Variants in EPPK1 observed in about 807,000 individuals in gnomAD.
EPPK1 encodes the protein epiplakin 1, also known as epiplakin.
For synonymous variants in EPPK1, 1,862 were observed against 1,721.2 expected, an observed-to-expected ratio of 1.08 and a Z score of -2.03; for missense variants, 3,823 against 3,673.3, an observed-to-expected ratio of 1.04 and a Z score of -1.05.
intron 1 of EPPK1, among the ~76,000 whole-genome samples, 161 bp downstream of exon 1, chr8:143,878,277 T>A (rs1416583524): frequency 1.3e-5 from 2 of 148,294 alleles, no homozygotes; most frequent in Admixed American, 6.7e-5. Flanking sequence ...GCCGCGCCCC[T>A]ACCCTGGCCT....
rs1554659270 is a variant in EPPK1 at position 143,867,019 on chromosome 8, C to G, written c.6235G>C (p.Gly2079Arg). The change falls in exon 2 of 2, where the codon GGC becomes CGC. Residue 2079 changes from glycine (G) to arginine (R), a missense_variant. Physicochemically the swap from Gly to Arg is moderately radical, Grantham distance 125 (BLOSUM62 -2). Transcript: ENST00000615648. ...TTGTTCACTGGGAACAGCAGCCAGC[C>G]CGTGTCCTCTTGTGGGCGGCACCTC... ...QERCRPQEDT[G>R]WLLFPVNKAA... 3.1e-6 allele frequency: 5 copies of G among 1,612,754 alleles called. No individual in the cohort carries two copies. The highest frequency in any genetic ancestry group is 4.2e-6 in the Non-Finnish European group (5 of 1,179,882).
In EPPK1 at chr8:143,872,396, G is replaced by C; in HGVS notation, c.858C>G (p.Ser286Arg). 1 of 1,602,742 alleles carries C rather than the reference G, an allele frequency of 6.2e-7. No individual in the cohort carries two copies. The highest frequency in any genetic ancestry group is 8.5e-7 in the Non-Finnish European group (1 of 1,179,372). Residue 286 changes from serine to arginine, a missense_variant, in exon 2 of 2, where the codon AGC (serine) becomes AGG (arginine). Transcript: ENST00000615648. ...EVRRYLEGTG[S>R]VAGVVLLPEG... ...CGGGCAGCAGGACAACCCCGGCCAC[G>C]CTGCCGGTACCCTCCAGGTAGCGCC...
In EPPK1 at chr8:143,871,174, G is replaced by C; in HGVS notation, c.2080C>G (p.Pro694Ala). Residue 694 changes from proline to alanine, a missense_variant, in exon 2 of 2, where the codon CCC (proline) becomes GCC (alanine). Transcript: ENST00000615648. Reference sequence around the variant, plus strand: ...AGGGAGATCTGCTGCCCGGTGTAGGGGTCAGTGTAGCCAGTGACAGCGCGC... The same window carrying C: ...AGGGAGATCTGCTGCCCGGTGTAGGCGTCAGTGTAGCCAGTGACAGCGCGC... Reference protein sequence around the residue: ...AERAVTGYTDPYTGQQISLFQ... With the variant: ...AERAVTGYTDAYTGQQISLFQ... 1.9e-6 allele frequency: 3 copies of C among 1,613,134 alleles called. No homozygotes were observed. Among genetic ancestry groups the C allele is most frequent in the Non-Finnish European group, 1.7e-6 (2 of 1,180,006 alleles).
At chr8:143,876,667 C>T (rs1164964793) in intron 1 of EPPK1, among the ~76,000 whole-genome samples, 2 of 152,232 alleles carry the variant, frequency 1.3e-5, no homozygotes, top group African/African-American at 2.4e-5. Context: ...AGGGCTGGGC[C>T]CTCTCCAGCA....
In EPPK1 at chr8:143,868,727, G is replaced by C. The variant is rs782477999; in HGVS notation, c.4527C>G (p.Val1509=). Residue 1509 remains valine (V), a synonymous_variant, in exon 2 of 2, where the codon GTC becomes GTG. Coordinates refer to ENST00000615648, the MANE Select transcript of EPPK1 (RefSeq NM_031308.4). ...RQVVSAVTTL[V]EAAERQPLQA... is the part of the protein sequence containing the mutation. ...GCAGGGGCTGCCTCTCTGCAGCCTC[G>C]ACCAGGGTGGTGACTGCGCTGACCA... 6.3e-7 allele frequency: 1 copy of C among 1,579,850 alleles called. No individual in the cohort carries two copies. The highest frequency in any genetic ancestry group is 8.6e-7 in the Non-Finnish European group (1 of 1,166,990).
At chr8:143,876,907 G>T (rs1012187873) in intron 1 of EPPK1, among the ~76,000 whole-genome samples, 1 of 152,204 alleles carries the variant, frequency 6.6e-6, no homozygotes, top group African/African-American at 2.4e-5. Flanking sequence ...GGCCAGTGAG[G>T]GTGGGGACAG....
At chr8:143,878,361 CACCCG>C (rs1819523614) in intron 1 of EPPK1, 72 bp downstream of exon 1, 1 of 126,310 alleles carries the variant, frequency 7.9e-6, no homozygotes, top group Non-Finnish European at 1.8e-5. Context: ...CCCGCACCCG[CACCCG>C]CCGCACCTGC....
chr8:143,870,853 T>A lies in EPPK1; in HGVS notation c.2401A>T (p.Thr801Ser). 1 of 1,612,660 alleles carries A rather than the reference T, an allele frequency of 6.2e-7. No individual in the cohort carries two copies. The highest frequency in any genetic ancestry group is 8.5e-7 in the Non-Finnish European group (1 of 1,179,842). The change falls in exon 2 of 2, where the codon ACG (threonine) becomes TCG (serine). Residue 801 changes from threonine to serine, a missense_variant. Physicochemically the swap from Thr to Ser is moderately conservative, Grantham distance 58. Coordinates refer to ENST00000615648, the MANE Select transcript of EPPK1 (RefSeq NM_031308.4). The surrounding 1 kb of genome is among the most constrained non-coding windows in gnomAD (Gnocchi z 5.2). ...TGLYLLPLSS[T>S]QSPLVDSATQ... ...GCACTGTCCACCAGCGGGGACTGCG[T>A]GCTGCTGAGTGGCAGGAGGTACAGG... is the stretch of plus-strand genomic sequence containing the variant.
intron 1 of EPPK1, among the ~76,000 whole-genome samples, chr8:143,873,710 C>A (rs1412650657): frequency 6.6e-6 from 1 of 152,180 alleles, no homozygotes; most frequent in African/African-American, 2.4e-5. Flanking sequence ...GTGGCTCCAC[C>A]CACAGGGCCC....
rs201267626 is a variant in EPPK1 at position 143,870,690 on chromosome 8, C to G, written c.2564G>C (p.Arg855Pro). ...GRRRQLLRRYRQREVTLGQVA... is the reference protein window; with the variant it reads ...GRRRQLLRRYPQREVTLGQVA... ...CTGCCCCAGCGTGACCTCGCGCTGC[C>G]GGTAGCGACGCAGCAGCTGCCTCCT... is the stretch of plus-strand genomic sequence containing the variant. Residue 855 changes from arginine (R) to proline (P), a missense_variant, in exon 2 of 2, where the codon CGG becomes CCG. Arg to Pro is a moderately radical substitution (Grantham distance 103, BLOSUM62 -2). Transcript: ENST00000615648. This position sits in a 1 kb window ranked among gnomAD's most constrained non-coding sequence, Gnocchi z 5.2. 6.2e-7 allele frequency: 1 copy of G among 1,609,688 alleles called. No homozygotes were observed. The highest frequency in any genetic ancestry group is 1.1e-5 in the South Asian group (1 of 90,610).
In EPPK1 at chr8:143,868,350, C is replaced by G; in HGVS notation, c.4904G>C (p.Gly1635Ala). The change falls in exon 2 of 2, where the codon GGG (glycine) becomes GCG (alanine). Residue 1635 changes from glycine (G) to alanine (A), a missense_variant. Transcript: ENST00000615648. ...CAGCAGCTTCACGTAGGTTTCTTTC[C>G]CGAACATTCCTGCTTTGAACGCCTC... ...VEEAFKAGMF[G>A]KETYVKLLSA... 6.2e-7 allele frequency: 1 copy of G among 1,613,024 alleles called. No individual in the cohort carries two copies. The highest frequency in any genetic ancestry group is 8.5e-7 in the Non-Finnish European group (1 of 1,179,984).
Position 143,870,302 on chromosome 8 carries a change from C to T in EPPK1, c.2952G>A (p.Val984=). ...MDPHSPESLS[V]DEAVRRGVVG... is the part of the protein sequence containing the mutation. Reference sequence around the variant, plus strand: ...CCACACCCCTGCGCACGGCCTCATCCACCGAGAGGCTCTCTGGGCTGTGAG... The same window carrying T: ...CCACACCCCTGCGCACGGCCTCATCTACCGAGAGGCTCTCTGGGCTGTGAG... Residue 984 remains valine (V), a synonymous_variant, in exon 2 of 2, where the codon GTG becomes GTA. Transcript: ENST00000615648. This position sits in a 1 kb window ranked among gnomAD's most constrained non-coding sequence, Gnocchi z 5.2. 1.9e-6 allele frequency: 3 copies of T among 1,579,056 alleles called. No individual in the cohort carries two copies. The highest frequency in any genetic ancestry group is 2.6e-6 in the Non-Finnish European group (3 of 1,168,586).
At chr8:143,877,860 C>T (rs932022931) in intron 1 of EPPK1, among the ~76,000 whole-genome samples, 10 of 152,036 alleles carry the variant, frequency 6.6e-5, no homozygotes, top group African/African-American at 2.4e-4. Context: ...GAACAGGGCC[C>T]TTCCTGCCTC....
chr8:143,878,790 C>T (rs1216256033), upstream of EPPK1, among the ~76,000 whole-genome samples: 4 of 152,070 alleles, frequency 2.6e-5, no homozygotes, highest in East Asian at 3.9e-4. Context: ...GTTTCTATCC[C>T]CACAAGCCAC....
In EPPK1 at chr8:143,868,661, C is replaced by G. The variant is rs1554660017; in HGVS notation, c.4593G>C (p.Arg1531Ser). The change falls in exon 2 of 2, where the codon AGG (arginine) becomes AGC (serine). Residue 1531 changes from arginine to serine, a missense_variant. Physicochemically the swap from Arg to Ser is moderately radical, Grantham distance 110. Transcript: ENST00000615648. ...FRGLRKQVSA[R>S]DLFRAQLISR... ...TGATCAGCTGCGCCCTGAACAGGTC[C>G]CTGGCTGACACCTGCTTCCGGAGCC... is the stretch of plus-strand genomic sequence containing the variant. 1 of 1,585,970 alleles carries G rather than the reference C, an allele frequency of 6.3e-7. No homozygotes were observed.
Position 143,870,169 on chromosome 8 carries a change from C to T in EPPK1, c.3085G>A (p.Gly1029Ser). The T allele has an allele frequency of 1.2e-6, 2 of 1,611,822 alleles. No individual in the cohort carries two copies. The highest frequency in any genetic ancestry group is 2.2e-5 in the East Asian group (1 of 44,862). The change falls in exon 2 of 2, where the codon GGT becomes AGT. Residue 1029 changes from glycine (G) to serine (S), a missense_variant. Gly to Ser is a moderately conservative substitution (Grantham distance 56, BLOSUM62 0). Coordinates refer to ENST00000615648, the MANE Select transcript of EPPK1 (RefSeq NM_031308.4). This position sits in a 1 kb window ranked among gnomAD's most constrained non-coding sequence, Gnocchi z 5.2. ...GCAGCTTGCTCCCAAGGGATGAGAC[C>T]TTTCTTCATGGCCTGGAACACAGAC... The part of the protein sequence containing the change: ...QVSVFQAMKK[G>S]LIPWEQAARL...
chr8:143,857,908 A>C lies in EPPK1; in HGVS notation c.*79T>G, dbSNP rs6558397. On this transcript the variant is annotated 3_prime_UTR_variant, in exon 2 of 2. Transcript: ENST00000615648. ...AATTAAAGAATGACAAAAAAAAAAAAAAAAAAAAAAACAACCCAGACACAC... is the reference window on the plus strand; with the variant it reads ...AATTAAAGAATGACAAAAAAAAAAACAAAAAAAAAAACAACCCAGACACAC... 1.6e-4 allele frequency: 128 copies of C among 787,328 alleles called. No homozygotes were observed. Among genetic ancestry groups the C allele is most frequent in the African/African-American group, 5.0e-4 (27 of 54,218 alleles). The allele number at this position is 787,328 out of a possible 1,614,324, so 48.8% of individuals were successfully genotyped here.
Position 143,857,799 on chromosome 8 carries a change from A to AACACCTCG in EPPK1, c.*180_*187dup, listed in dbSNP as rs1195006624. 1.2e-5 allele frequency: 6 copies of AACACCTCG among 513,052 alleles called. No individual in the cohort carries two copies. The highest frequency in any genetic ancestry group is 2.0e-5 in the Non-Finnish European group (6 of 303,446). 31.8% of individuals were successfully genotyped at this position (513,052 alleles called of 1,614,324 possible). A position where few individuals can be genotyped will look rare whatever the true frequency, so the allele number is the denominator to read the frequency against. The stretch of plus-strand genomic sequence containing the variant: ...AGAAAACACACCAAAAAACTTATGA[A>AACACCTCG]ACACCTCGATGGACAAAGGAAAAGT... On this transcript the variant is annotated 3_prime_UTR_variant, in exon 2 of 2. Coordinates refer to ENST00000615648, the MANE Select transcript of EPPK1 (RefSeq NM_031308.4).
chr8:143,876,478 G>C (rs1819479951), intron 1 of EPPK1, among the ~76,000 whole-genome samples: 1 of 152,192 alleles, frequency 6.6e-6, no homozygotes, highest in South Asian at 2.1e-4. Flanking sequence ...CTGCTTCTGG[G>C]GGGTACATGA....
Sources: gnomAD v4.1 joint callset for allele counts (sites outside exome capture counted in the v4.1 genomes callset) on GRCh38, gnomAD v4.1.1 for gene constraint, Gnocchi (gnomAD v3.1) non-coding constraint, MANE v1.5 for transcripts, NCBI Gene and HGNC (gene_info 2026-07-23, HGNC 2026-07-21) for gene names.